Variants in PCDHAC1 observed in about 807,000 individuals in gnomAD.
PCDHAC1 encodes protocadherin alpha subfamily C, 1, also known as protocadherin alpha-C1.
In PCDHAC1, 42 loss-of-function variants were observed where a neutral mutation model predicts 60.0. That is an observed-to-expected ratio of 0.70 (90% CI 0.55 to 0.90). The LOEUF (loss-of-function observed/expected upper bound fraction) is 0.90. PCDHAC1 is among the 40% of genes least tolerant of loss of function. The pLI is 0.00. For missense variants in PCDHAC1, 1,160 were observed against 1,222.3 expected, an observed-to-expected ratio of 0.95 and a Z score of 0.76; for synonymous variants, 468 against 499.3, an observed-to-expected ratio of 0.94 and a Z score of 0.84.
At position 140,945,942 on chromosome 5, in the gene PCDHAC1, A is replaced by G. The variant is rs534164272; in HGVS notation, c.2433+16617A>G. 2.0e-5 allele frequency among the ~76,000 whole-genome samples: 3 copies of G among 152,196 alleles called. No individual in the cohort carries two copies. In the South Asian group the frequency reaches 6.2e-4, roughly 32 times the overall value. ...ACTGATCTGAGCAATGATGTTTTTT[A>G]TATGACCCTGAAAGCACAGGCAATA... On this transcript the variant is annotated intron_variant, in intron 1 of 3. Coordinates refer to ENST00000253807, the MANE Select transcript of PCDHAC1 (RefSeq NM_018898.5).
intron 3 of PCDHAC1, among the ~76,000 whole-genome samples, chr5:141,004,093 C>T (rs1016954345): frequency 1.3e-5 from 2 of 152,164 alleles, no homozygotes; most frequent in African/African-American, 4.8e-5. Flanking sequence ...GTGCTTCTTC[C>T]GTTTTCATCT....
At chr5:141,006,415 G>C (rs185861703) in intron 3 of PCDHAC1, among the ~76,000 whole-genome samples, 2 of 152,146 alleles carry the variant, frequency 1.3e-5, no homozygotes, top group African/African-American at 2.4e-5. Flanking sequence ...CGGTTTCACT[G>C]TGTTAGCCAG....
intron 3 of PCDHAC1, among the ~76,000 whole-genome samples, chr5:140,999,049 A>C (rs962383659): frequency 1.3e-5 from 2 of 152,214 alleles, no homozygotes; most frequent in African/African-American, 4.8e-5. Flanking sequence ...TGTGCTTTCC[A>C]CCATGCCTAA....
At chr5:140,972,691 G>A (rs1213069719) in intron 1 of PCDHAC1, among the ~76,000 whole-genome samples, 3 of 137,348 alleles carry the variant, frequency 2.2e-5, no homozygotes, top group Admixed American at 1.5e-4. Flanking sequence ...TTGAGATGGA[G>A]TCTCACTCTG....
In PCDHAC1 at chr5:141,008,942, A is replaced by G. The variant is rs544111760; in HGVS notation, c.2582-685A>G. Among the ~76,000 whole-genome samples the G allele has an allele frequency of 1.5e-4, 23 of 152,326 alleles. No homozygotes were observed. In the South Asian group the frequency reaches 4.8e-3, roughly 32 times the overall value. On this transcript the variant is annotated intron_variant, in intron 3 of 3. Transcript: ENST00000253807. ...ATTCAGCTAATTTTTCTTGTTTTGG[A>G]CAAAATAGACATCCTAATACATTTA...
intron 1 of PCDHAC1, chr5:140,968,411 G>C (rs895173088): frequency 1.9e-6 from 3 of 1,614,012 alleles, no homozygotes; most frequent in South Asian, 1.1e-5. Context: ...CTTTGTGACT[G>C]TGGAGGCTCA....
chr5:140,942,633 G>A (rs1554215141), intron 1 of PCDHAC1, among the ~76,000 whole-genome samples: 1 of 151,496 alleles, frequency 6.6e-6, no homozygotes, highest in Admixed American at 6.6e-5. Context: ...AAAAAAAATG[G>A]CAAAAGAGAT....
intron 1 of PCDHAC1, among the ~76,000 whole-genome samples, chr5:140,941,348 G>T (rs1193360429): frequency 1.7e-5 from 2 of 116,240 alleles, no homozygotes; most frequent in East Asian, 2.7e-4. Context: ...ATGGAGTCTT[G>T]CTCTGTTGCC....
intron 1 of PCDHAC1, chr5:140,968,696 A>G (rs1554230980): frequency 6.2e-7 from 1 of 1,614,134 alleles, no homozygotes; most frequent in Non-Finnish European, 8.5e-7. Context: ...AGAAATTAGG[A>G]CTACCAGGAA....
chr5:140,971,163 T>C (rs2096460132), intron 1 of PCDHAC1, among the ~76,000 whole-genome samples: 1 of 152,180 alleles, frequency 6.6e-6, no homozygotes, highest in Non-Finnish European at 1.5e-5. Flanking sequence ...AGGCTCAGCT[T>C]TGCCACCAGC....
chr5:141,002,135 G>A (rs1265359430), intron 3 of PCDHAC1, among the ~76,000 whole-genome samples: 1 of 152,236 alleles, frequency 6.6e-6, no homozygotes, highest in African/African-American at 2.4e-5. Flanking sequence ...AGCCTTTGCC[G>A]GCTGCACTGA....
rs1554203635 is a variant in PCDHAC1 at position 140,926,708 on chromosome 5, C to G, written c.-185C>G. 2.2e-6 allele frequency: 2 copies of G among 896,142 alleles called. No individual in the cohort carries two copies. The highest frequency in any genetic ancestry group is 5.3e-5 in the South Asian group (2 of 37,580). The allele number at this position is 896,142 out of a possible 1,614,324, so 55.5% of individuals were successfully genotyped here. A position where few individuals can be genotyped will look rare whatever the true frequency, so the allele number is the denominator to read the frequency against. On this transcript the variant is annotated 5_prime_UTR_variant, in exon 1 of 4. Coordinates refer to ENST00000253807, the MANE Select transcript of PCDHAC1 (RefSeq NM_018898.5). ...CTAGCAAGCCCGGCTCCCAGCTGGCCAGCCCCGGCAATGCCGGCGTTCGGG... is the reference window on the plus strand; with the variant it reads ...CTAGCAAGCCCGGCTCCCAGCTGGCGAGCCCCGGCAATGCCGGCGTTCGGG...
intron 3 of PCDHAC1, among the ~76,000 whole-genome samples, chr5:141,005,648 G>A (rs1354125322): frequency 7.4e-6 from 1 of 135,988 alleles, no homozygotes; most frequent in Non-Finnish European, 1.5e-5. Flanking sequence ...CTTGCAGTGA[G>A]TCGAGATCGC....
At chr5:140,968,982 C>G in intron 1 of PCDHAC1, 1 of 1,614,226 alleles carries the variant, frequency 6.2e-7, no homozygotes, top group Non-Finnish European at 8.5e-7. Flanking sequence ...GCGTATGGCA[C>G]TGCATGCTGT....
chr5:140,943,620 A>G (rs1285848217), intron 1 of PCDHAC1, among the ~76,000 whole-genome samples: 1 of 152,200 alleles, frequency 6.6e-6, no homozygotes, highest in Non-Finnish European at 1.5e-5. Context: ...ATTCATCTGC[A>G]TAAGGAAGCT....
chr5:141,009,060 G>C (rs1192687086), intron 3 of PCDHAC1, among the ~76,000 whole-genome samples: 4 of 152,176 alleles, frequency 2.6e-5, no homozygotes, highest in Non-Finnish European at 5.9e-5. Context: ...AATCACAACT[G>C]TATTCTTTAG....
chr5:140,955,975 A>G (rs2095244010), intron 1 of PCDHAC1, among the ~76,000 whole-genome samples: 1 of 152,112 alleles, frequency 6.6e-6, no homozygotes, highest in Admixed American at 6.6e-5. Flanking sequence ...TAGGAATGCT[A>G]GCAATTTTTG....
At position 140,926,982 on chromosome 5, in the gene PCDHAC1, G is replaced by A. The variant is rs1554203886; in HGVS notation, c.90G>A (p.Thr30=). The change falls in exon 1 of 4, where the codon ACG becomes ACA. Residue 30 remains threonine (T), a synonymous_variant. Coordinates refer to ENST00000253807, the MANE Select transcript of PCDHAC1 (RefSeq NM_018898.5). ...GQLEYSVPEE[T]ERGVAVGNLS... ...TCGAGTACTCAGTGCCGGAGGAGAC[G>A]GAGCGGGGCGTAGCCGTAGGCAATC... 1 of 1,610,398 alleles carries A rather than the reference G, an allele frequency of 6.2e-7. No individual in the cohort carries two copies. The highest frequency in any genetic ancestry group is 2.2e-5 in the East Asian group (1 of 44,814).
chr5:140,959,000 G>A (rs1239762631), intron 1 of PCDHAC1, among the ~76,000 whole-genome samples: 1 of 151,884 alleles, frequency 6.6e-6, no homozygotes, highest in Admixed American at 6.6e-5. Flanking sequence ...ATCTTTTACT[G>A]TACCTAATTT....
Sources: gnomAD v4.1 joint callset for allele counts (sites outside exome capture counted in the v4.1 genomes callset) on GRCh38, gnomAD v4.1.1 for gene constraint, MANE v1.5 for transcripts, NCBI Gene and HGNC (gene_info 2026-07-23, HGNC 2026-07-21) for gene names.